MAPK4: variants seen among roughly 807,000 people sequenced by gnomAD.
The protein encoded by MAPK4 is mitogen-activated protein kinase 4, also known as Erk3-related.
MAPK4 carries 22 observed loss-of-function variants against 47.7 expected under a neutral mutation model. That is an observed-to-expected ratio of 0.46 (90% CI 0.33 to 0.66). The LOEUF is 0.66. Among genes scored for constraint, MAPK4 ranks in the 30% least tolerant of loss-of-function variants. MAPK4 has a pLI of 0.02. For missense variants in MAPK4, 736 were observed against 831.7 expected, an observed-to-expected ratio of 0.88 and a Z score of 1.42; for synonymous variants, 390 against 365.7, an observed-to-expected ratio of 1.07 and a Z score of -0.76.
At chr18:50,615,984 T>C (rs2149379781) in intron 1 of MAPK4, among the ~76,000 whole-genome samples, 1 of 152,304 alleles carries the variant, frequency 6.6e-6, no homozygotes, top group Non-Finnish European at 1.5e-5. Context: ...GTTCTTCTTT[T>C]TCCATAAAAT....
intron 3 of MAPK4, among the ~76,000 whole-genome samples, chr18:50,721,393 C>G (rs1178676707): frequency 6.6e-6 from 1 of 152,226 alleles, no homozygotes; most frequent in African/African-American, 2.4e-5. Context: ...CTGGCATAGC[C>G]TGGCCTGCCT....
intron 1 of MAPK4, among the ~76,000 whole-genome samples, chr18:50,640,683 C>A (rs1003972218): frequency 6.6e-6 from 1 of 152,186 alleles, no homozygotes; most frequent in Non-Finnish European, 1.5e-5. Context: ...CCAGGCTGGT[C>A]TCGAACTCCT....
intron 1 of MAPK4, among the ~76,000 whole-genome samples, chr18:50,625,834 C>G (rs1427219984): frequency 1.3e-5 from 2 of 151,218 alleles, no homozygotes; most frequent in Non-Finnish European, 2.9e-5. Flanking sequence ...TTGTTAGTTT[C>G]TTGGTGTATT....
intron 2 of MAPK4, among the ~76,000 whole-genome samples, chr18:50,683,913 T>C (rs1475265716): frequency 6.6e-6 from 1 of 152,058 alleles, no homozygotes; most frequent in Non-Finnish European, 1.5e-5. Context: ...ATGTCCCCCT[T>C]AAGGCGTCTG....
At chr18:50,602,539 G>A (rs2042549660) in intron 1 of MAPK4, among the ~76,000 whole-genome samples, 1 of 152,168 alleles carries the variant, frequency 6.6e-6, no homozygotes, top group Non-Finnish European at 1.5e-5. Context: ...AGGGATGTGG[G>A]CATAACTGAA....
At chr18:50,690,342 G>C (rs981456820) in intron 2 of MAPK4, among the ~76,000 whole-genome samples, 1 of 152,206 alleles carries the variant, frequency 6.6e-6, no homozygotes, top group Admixed American at 6.5e-5. Context: ...TTCAGATCCA[G>C]GTGTGAGTTT....
At chr18:50,601,562 C>T (rs1181754805) in intron 1 of MAPK4, among the ~76,000 whole-genome samples, 1 of 152,094 alleles carries the variant, frequency 6.6e-6, no homozygotes. Context: ...TGTCCTCCTG[C>T]AGGTGGTTGT....
At chr18:50,612,465 G>T (rs2042647276) in intron 1 of MAPK4, among the ~76,000 whole-genome samples, 1 of 152,206 alleles carries the variant, frequency 6.6e-6, no homozygotes, top group South Asian at 2.1e-4. Flanking sequence ...TAGCGGGAGA[G>T]AAAGATTTCA....
intron 2 of MAPK4, among the ~76,000 whole-genome samples, chr18:50,684,560 G>A (rs1908763207): frequency 6.7e-6 from 1 of 148,854 alleles, no homozygotes; most frequent in South Asian, 2.1e-4. Context: ...AAAAAAAAAA[G>A]CTTTTATTCC....
intron 1 of MAPK4, among the ~76,000 whole-genome samples, chr18:50,598,091 C>G (rs568092628): frequency 6.6e-6 from 1 of 152,336 alleles, no homozygotes; most frequent in South Asian, 2.1e-4. Context: ...GCCTTCACGG[C>G]CCCTCCAACC....
At chr18:50,621,755 A>C (rs2042733676) in intron 1 of MAPK4, among the ~76,000 whole-genome samples, 2 of 152,206 alleles carry the variant, frequency 1.3e-5, no homozygotes, top group African/African-American at 4.8e-5. Context: ...TTGTTGCTAG[A>C]GAGTTTGAGT....
chr18:50,700,965 A>C (rs1909754723), intron 2 of MAPK4, among the ~76,000 whole-genome samples: 1 of 152,150 alleles, frequency 6.6e-6, no homozygotes, highest in Non-Finnish European at 1.5e-5. Flanking sequence ...AACACCTTTC[A>C]AAACCACACC....
chr18:50,662,374 G>A (rs1907318064), intron 1 of MAPK4, among the ~76,000 whole-genome samples: 1 of 152,244 alleles, frequency 6.6e-6, no homozygotes. Context: ...CAGGGACAGT[G>A]AAGTTTAGAT....
intron 1 of MAPK4, 115 bp downstream of exon 1, chr18:50,560,358 A>C (rs1013361562): frequency 6.6e-6 from 1 of 151,604 alleles, no homozygotes; most frequent in Non-Finnish European, 1.5e-5. Flanking sequence ...CTGCCTCCCC[A>C]CCTTACCCTA....
At chr18:50,643,302 C>T (rs529242232) in intron 1 of MAPK4, among the ~76,000 whole-genome samples, 19 of 152,224 alleles carry the variant, frequency 1.2e-4, no homozygotes, top group Non-Finnish European at 2.6e-4. Context: ...CACTCAAGGT[C>T]AGGAGTTTGA....
chr18:50,594,796 C>T (rs746594205), intron 1 of MAPK4, among the ~76,000 whole-genome samples: 1 of 152,136 alleles, frequency 6.6e-6, no homozygotes, highest in Non-Finnish European at 1.5e-5. Context: ...AATAGGCAAT[C>T]CATAGGCTAG....
At chr18:50,639,212 A>G (rs1191020528) in intron 1 of MAPK4, among the ~76,000 whole-genome samples, 3 of 152,234 alleles carry the variant, frequency 2.0e-5, no homozygotes, top group Admixed American at 1.3e-4. Flanking sequence ...GTAATTCCCT[A>G]AGGGCTGGTG....
chr18:50,626,301 A>G (rs1305776781), intron 1 of MAPK4, among the ~76,000 whole-genome samples: 2 of 152,208 alleles, frequency 1.3e-5, no homozygotes, highest in African/African-American at 4.8e-5. Context: ...ACACCTGGCA[A>G]ATCCATCTCT....
chr18:50,712,159 G>T (rs1007014899), intron 2 of MAPK4, among the ~76,000 whole-genome samples: 1 of 152,218 alleles, frequency 6.6e-6, no homozygotes, highest in Non-Finnish European at 1.5e-5. Flanking sequence ...GGGCACAGTG[G>T]CTCATGCCTG....
Sources: gnomAD v4.1 joint callset for allele counts (sites outside exome capture counted in the v4.1 genomes callset) on GRCh38, gnomAD v4.1.1 for gene constraint, MANE v1.5 for transcripts, NCBI Gene and HGNC (gene_info 2026-07-23, HGNC 2026-07-21) for gene names.